TNKS: variants seen among roughly 807,000 people sequenced by gnomAD.
TNKS encodes the protein tankyrase.
TNKS carries 72 observed loss-of-function variants against 135.8 expected under a neutral mutation model. That is an observed-to-expected ratio of 0.53 (90% confidence interval 0.44 to 0.64). TNKS has a LOEUF of 0.64. TNKS is among the 30% of genes least tolerant of loss of function. The pLI is 0.00. For synonymous variants in TNKS, 849 were observed against 649.3 expected (o/e 1.31, Z -4.68); for missense variants, 1,769 against 1,674.0 (o/e 1.06, Z -0.99).
chr8:9,733,176 C>T, intron 14 of TNKS, 103 bp from the exon 15 acceptor site: 1 of 1,056,150 alleles, frequency 9.5e-7, no homozygotes, highest in Non-Finnish European at 1.3e-6. Flanking sequence ...GCGCAGTGTT[C>T]AGTATAGTCA....
In TNKS at chr8:9,755,082, T is replaced by C. The variant is rs140490236; in HGVS notation, c.3153+2456T>C. On this transcript the variant is annotated intron_variant, in intron 20 of 26. Coordinates refer to ENST00000310430, the MANE Select transcript of TNKS (RefSeq NM_003747.3). ...CCTTAACTCAAACAAATAATTCCAA[T>C]TTACTGATGAAAGTTTTCTAAAGAA... 9.6e-3 allele frequency among the ~76,000 whole-genome samples: 1,456 copies of C among 152,306 alleles called. 10 individuals carry two copies. The highest frequency in any genetic ancestry group is 0.023 in the South Asian group (109 of 4,826).
At position 9,735,394 on chromosome 8, in the gene TNKS, G is replaced by A; in HGVS notation, c.2551G>A (p.Glu851Lys). The A allele has an allele frequency of 1.2e-6, 2 of 1,613,918 alleles. No individual in the cohort carries two copies. The highest frequency in any genetic ancestry group is 1.7e-6 in the Non-Finnish European group (2 of 1,179,954). ...LHLAAGYNNL[E>K]VAEYLLEHGA... ...CTAAATAGCAGGCTATAATAACCTGGAAGTAGCTGAATATCTTCTAGAGCA... is the reference window on the plus strand; with the variant it reads ...CTAAATAGCAGGCTATAATAACCTGAAAGTAGCTGAATATCTTCTAGAGCA... The change falls in exon 17 of 27, where the codon GAA (glutamate) becomes AAA (lysine). Residue 851 changes from glutamate to lysine, a missense_variant. By Grantham distance (56) the Glu-to-Lys change is moderately conservative. Transcript: ENST00000310430.
chr8:9,596,231 AAC>A (rs1449879588), intron 2 of TNKS, among the ~76,000 whole-genome samples: 1 of 152,206 alleles, frequency 6.6e-6, no homozygotes, highest in Non-Finnish European at 1.5e-5. Flanking sequence ...TGGGTTGTGT[AAC>A]CAGGCAGATT....
chr8:9,703,719 A>G (rs1174422564), intron 5 of TNKS, among the ~76,000 whole-genome samples: 2 of 152,226 alleles, frequency 1.3e-5, no homozygotes, highest in East Asian at 3.8e-4. Context: ...TAAAAATCTT[A>G]TTAAATCTCA....
In TNKS at chr8:9,588,151, G is replaced by A. The variant is rs188287046; in HGVS notation, c.898+7768G>A. On this transcript the variant is annotated intron_variant, in intron 2 of 26. Coordinates refer to ENST00000310430, the MANE Select transcript of TNKS (RefSeq NM_003747.3). ...AAGAAACTTAAAAAAAATAAATTTT[G>A]TGTCAAATTAGGTGTGGAGAGTCCT... 1.3e-3 allele frequency among the ~76,000 whole-genome samples: 193 copies of A among 152,288 alleles called. 1 individual carries two copies. Among genetic ancestry groups the A allele is most frequent in the Non-Finnish European group, 2.3e-3 (159 of 68,024 alleles).
intron 20 of TNKS, among the ~76,000 whole-genome samples, chr8:9,756,419 C>CA (rs1806835862): frequency 6.6e-6 from 1 of 151,858 alleles, no homozygotes; most frequent in Non-Finnish European, 1.5e-5. Flanking sequence ...CTTTAACTGA[C>CA]ACGTGGATAA....
chr8:9,656,966 G>A (rs1801407328), intron 3 of TNKS, among the ~76,000 whole-genome samples: 1 of 129,274 alleles, frequency 7.7e-6, no homozygotes, highest in Non-Finnish European at 1.7e-5. Context: ...GGATCCCAAG[G>A]CAGAGGAATT....
intron 3 of TNKS, among the ~76,000 whole-genome samples, chr8:9,655,145 C>T (rs909417402): frequency 3.9e-5 from 6 of 152,222 alleles, no homozygotes; most frequent in African/African-American, 1.4e-4. Flanking sequence ...TCACTCATTG[C>T]TAGCCCAGCA....
intron 1 of TNKS, among the ~76,000 whole-genome samples, chr8:9,562,881 T>A (rs1416343185): frequency 6.6e-6 from 1 of 152,070 alleles, no homozygotes; most frequent in Non-Finnish European, 1.5e-5. Context: ...CCAGATATTC[T>A]ATTACAGTAT....
intron 26 of TNKS, among the ~76,000 whole-genome samples, chr8:9,771,993 AAGGGATAGGCAG>A (rs1377295389): frequency 9.9e-6 from 1 of 100,890 alleles, no homozygotes; most frequent in Non-Finnish European, 2.0e-5. Flanking sequence ...GGGAGGGAAG[AAGGGATAGGCAG>A]AGGGATGGGG....
intron 11 of TNKS, among the ~76,000 whole-genome samples, chr8:9,712,593 A>C (rs1804392343): frequency 6.6e-6 from 1 of 152,170 alleles, no homozygotes; most frequent in African/African-American, 2.4e-5. Flanking sequence ...TAGCATAAGT[A>C]ATTAAAATAT....
intron 25 of TNKS, among the ~76,000 whole-genome samples, chr8:9,769,233 C>T (rs1807651852): frequency 6.6e-6 from 1 of 152,158 alleles, no homozygotes; most frequent in Non-Finnish European, 1.5e-5. Context: ...ATTTACAAAA[C>T]CAGATTGCAG....
At chr8:9,748,620 C>T (rs1041394987) in intron 18 of TNKS, among the ~76,000 whole-genome samples, 2 of 152,140 alleles carry the variant, frequency 1.3e-5, no homozygotes, top group African/African-American at 4.8e-5. Context: ...TATTTAACTG[C>T]AAAGTTAAGC....
rs146807613 is a variant in TNKS, at chr8:9,767,122, CTTTAA to C, written c.3740+702_3740+706del. 4.1e-3 allele frequency among the ~76,000 whole-genome samples: 620 copies of C among 152,266 alleles called. 6 individuals carry two copies. Among genetic ancestry groups the C allele is most frequent in the African/African-American group, 0.014 (590 of 41,534 alleles). ...CACACTTCTATAAAAAACATAGACTCTTTAATTTACTTCTGATGTTGCTGGTGATG... is the reference window on the plus strand; with the variant it reads ...CACACTTCTATAAAAAACATAGACTCTTTACTTCTGATGTTGCTGGTGATG... On this transcript the variant is annotated intron_variant, in intron 25 of 26. Transcript: ENST00000310430.
At chr8:9,764,673 C>T in intron 22 of TNKS, 43 bp from the exon 23 acceptor site, 3 of 1,472,670 alleles carry the variant, frequency 2.0e-6, no homozygotes, top group South Asian at 1.3e-5. Flanking sequence ...TCTAGAATTA[C>T]ACACTGGGAT....
At chr8:9,661,590 G>A (rs1801714106) in intron 3 of TNKS, among the ~76,000 whole-genome samples, 1 of 152,012 alleles carries the variant, frequency 6.6e-6, no homozygotes, top group African/African-American at 2.4e-5. Context: ...AATTCAAGAT[G>A]GATTAAAGAC....
rs367671700 is a variant in TNKS at position 9,620,408 on chromosome 8, G to C, written c.994+4731G>C. On this transcript the variant is annotated intron_variant, in intron 3 of 26. Coordinates refer to ENST00000310430, the MANE Select transcript of TNKS (RefSeq NM_003747.3). Reference sequence around the variant, plus strand: ...TCACGACAGCAGTAGCCTCATAATGGATCTCTCTGCCACTACTTAAACTTC... The same window carrying C: ...TCACGACAGCAGTAGCCTCATAATGCATCTCTCTGCCACTACTTAAACTTC... 1.1e-4 allele frequency among the ~76,000 whole-genome samples: 17 copies of C among 152,242 alleles called. No homozygotes were observed. The East Asian group carries it at 1.7e-3, about 16-fold the overall frequency.
chr8:9,560,375 G>A (rs184475705), intron 1 of TNKS, among the ~76,000 whole-genome samples: 1 of 149,302 alleles, frequency 6.7e-6, no homozygotes, highest in East Asian at 2.0e-4. Context: ...ATAAAAACTA[G>A]TTTTCTTTGT....
chr8:9,699,650 C>T (rs1408616952), intron 5 of TNKS, among the ~76,000 whole-genome samples: 1 of 152,138 alleles, frequency 6.6e-6, no homozygotes, highest in Non-Finnish European at 1.5e-5. Flanking sequence ...CTTGTGAATT[C>T]ACCACTCTCA....
Sources: allele counts gnomAD v4.1 joint callset (sites outside exome capture counted in the v4.1 genomes callset), GRCh38; gene constraint gnomAD v4.1.1; transcripts MANE v1.5; gene names NCBI Gene and HGNC (gene_info 2026-07-23, HGNC 2026-07-21).